The following ROBO2 variants were observed in gnomAD, a reference collection of about 807,000 sequenced individuals.
ROBO2 encodes the protein roundabout guidance receptor 2.
In ROBO2, 53 loss-of-function variants were observed where a neutral mutation model predicts 160.8. The ratio of observed to expected loss-of-function variants is 0.33; its 90% CI spans 0.26 to 0.41. The LOEUF is 0.41. Among genes scored for constraint, ROBO2 ranks in the 10% least tolerant of loss-of-function variants. The pLI is 1.00. For synonymous variants in ROBO2, 664 were observed against 611.7 expected, an observed-to-expected ratio of 1.09 and a Z score of -1.26; for missense variants, 1,577 against 1,722.4, an observed-to-expected ratio of 0.92 and a Z score of 1.49.
intron 2 of ROBO2, among the ~76,000 whole-genome samples, chr3:76,319,996 C>T (rs2072382315): frequency 6.6e-6 from 1 of 151,882 alleles, no homozygotes; most frequent in Admixed American, 6.6e-5. Flanking sequence ...TTGTTGTGAA[C>T]CCATTTCTTT....
At chr3:77,289,807 A>G (rs2060953355) in intron 2 of ROBO2, among the ~76,000 whole-genome samples, 1 of 152,128 alleles carries the variant, frequency 6.6e-6, no homozygotes, top group Non-Finnish European at 1.5e-5. Context: ...CACCAAAGAC[A>G]TAAAGTAAAA....
intron 2 of ROBO2, among the ~76,000 whole-genome samples, chr3:76,925,405 T>C (rs1417874012): frequency 1.3e-5 from 2 of 152,134 alleles, no homozygotes; most frequent in Non-Finnish European, 2.9e-5. Context: ...TTTCCAAAAT[T>C]TACATTTGAA....
At chr3:77,170,221 A>T (rs2079503704) in intron 2 of ROBO2, among the ~76,000 whole-genome samples, 1 of 152,142 alleles carries the variant, frequency 6.6e-6, no homozygotes, top group Non-Finnish European at 1.5e-5. Flanking sequence ...AATCATTACC[A>T]GTATGGCCTA....
chr3:77,421,074 A>G (rs896875163), intron 2 of ROBO2, among the ~76,000 whole-genome samples: 2 of 152,138 alleles, frequency 1.3e-5, no homozygotes, highest in Admixed American at 6.6e-5. Context: ...ATCACACTGG[A>G]AAAATCACAT....
At chr3:77,572,667 A>ACT (rs1300432715) in intron 13 of ROBO2, among the ~76,000 whole-genome samples, 2 of 149,386 alleles carry the variant, frequency 1.3e-5, no homozygotes, top group Non-Finnish European at 3.0e-5. Flanking sequence ...ACACACACAC[A>ACT]CTCACTTAAT....
intron 2 of ROBO2, among the ~76,000 whole-genome samples, chr3:76,779,600 T>C (rs1484571982): frequency 6.6e-6 from 1 of 151,038 alleles, no homozygotes; most frequent in Non-Finnish European, 1.5e-5. Context: ...AATCACATAA[T>C]ATTTGTCTTT....
chr3:76,329,378 C>T (rs987011159), intron 2 of ROBO2, among the ~76,000 whole-genome samples: 25 of 152,238 alleles, frequency 1.6e-4, no homozygotes, highest in African/African-American at 5.8e-4. Flanking sequence ...CCACCACACC[C>T]GGCTAATTTT....
chr3:75,968,103 C>T (rs190336104), intron 2 of ROBO2, among the ~76,000 whole-genome samples: 186 of 151,694 alleles, frequency 1.2e-3, no homozygotes, highest in Admixed American at 4.4e-3. Flanking sequence ...GTGACACATG[C>T]ACACATGATC....
At chr3:77,628,448 G>C (rs532033470) in intron 23 of ROBO2, among the ~76,000 whole-genome samples, 2 of 24,144 alleles carry the variant, frequency 8.3e-5, no homozygotes, top group African/African-American at 3.7e-4. Context: ...CTCTTTTTGT[G>C]GGGGGGGGGT....
At chr3:76,527,041 TAA>T (rs1577906038) in intron 2 of ROBO2, among the ~76,000 whole-genome samples, 1 of 152,096 alleles carries the variant, frequency 6.6e-6, no homozygotes, top group East Asian at 1.9e-4. Flanking sequence ...TTTTTTCTGA[TAA>T]ATTTCAGCTG....
chr3:76,612,224 T>C (rs138595665), intron 2 of ROBO2, among the ~76,000 whole-genome samples: 3 of 152,178 alleles, frequency 2.0e-5, no homozygotes, highest in Non-Finnish European at 4.4e-5. Flanking sequence ...AGAATGTGTA[T>C]TCTGTAGCTG....
chr3:77,219,468 GTA>G (rs34026358), intron 2 of ROBO2, among the ~76,000 whole-genome samples: 45,164 of 120,598 alleles, frequency 0.37, 8,967 homozygotes, highest in Middle Eastern at 0.49. Flanking sequence ...ATGTATCTGT[GTA>G]TATATATATA....
In ROBO2 at chr3:76,940,856, A is replaced by G. The variant is rs577401679; in HGVS notation, c.110-157158A>G. On this transcript the variant is annotated intron_variant, in intron 2 of 26. Transcript: ENST00000487694. ...AAAGAAATTCATCTGCAGGCTGATG[A>G]TATCAAAGTTTTCAGCTTTCATCTA... is the stretch of plus-strand genomic sequence containing the variant. 1.1e-4 allele frequency among the ~76,000 whole-genome samples: 16 copies of G among 152,346 alleles called. No individual in the cohort carries two copies. The South Asian group carries it at 3.3e-3, about 32-fold the overall frequency.
At chr3:76,983,690 A>G (rs1578039749) in intron 2 of ROBO2, among the ~76,000 whole-genome samples, 1 of 152,344 alleles carries the variant, frequency 6.6e-6, no homozygotes, top group East Asian at 1.9e-4. Flanking sequence ...CTATTATATG[A>G]TAGACAATAG....
intron 1 of ROBO2, among the ~76,000 whole-genome samples, chr3:77,042,321 A>G (rs2149623507): frequency 6.6e-6 from 1 of 152,356 alleles, no homozygotes; most frequent in East Asian, 1.9e-4. Context: ...CCGTAACAAA[A>G]TAGGTTTACC....
rs1491236295 is a variant in ROBO2 at position 77,428,337 on chromosome 3, A to ATTTTTTTTTTT, written c.389-49076_389-49075insTTTTTTTTTTT. Reference sequence around the variant, plus strand: ...AGGCATTCACAGCAAAACTTAGGTAATATTTTTTTTTTTTTTTTTTTTTTT... The same window carrying ATTTTTTTTTTT: ...AGGCATTCACAGCAAAACTTAGGTAATTTTTTTTTTTTATTTTTTTTTTTTTTTTTTTTTTT... On this transcript the variant is annotated intron_variant, in intron 2 of 25. Coordinates refer to ENST00000461745, the Ensembl canonical transcript of ROBO2. Among the ~76,000 whole-genome samples the ATTTTTTTTTTT allele has an allele frequency of 5.5e-5, 7 of 128,224 alleles. 1 individual carries two copies. The highest frequency in any genetic ancestry group is 1.2e-4 in the African/African-American group (4 of 32,796). The allele number at this position is 128,224 out of a possible 152,430, so 84.1% of individuals were successfully genotyped here.
At chr3:77,113,652 A>G (rs1375925968) in intron 2 of ROBO2, among the ~76,000 whole-genome samples, 2 of 152,208 alleles carry the variant, frequency 1.3e-5, no homozygotes, top group Non-Finnish European at 2.9e-5. Flanking sequence ...AGAGACAAGG[A>G]GCGGTCTAGT....
At chr3:76,896,204 A>G (rs138777769) in intron 2 of ROBO2, among the ~76,000 whole-genome samples, 267 of 152,334 alleles carry the variant, frequency 1.8e-3, no homozygotes, top group African/African-American at 6.0e-3. Context: ...TGAGAATGAG[A>G]GAAAACATTT....
intron 1 of ROBO2, among the ~76,000 whole-genome samples, chr3:77,094,483 C>T (rs768733650): frequency 2.0e-5 from 3 of 152,066 alleles, no homozygotes; most frequent in Non-Finnish European, 4.4e-5. Flanking sequence ...GTGAATAATA[C>T]TGCTATGAAT....
Sources: gnomAD v4.1 joint callset for allele counts (sites outside exome capture counted in the v4.1 genomes callset) on GRCh38, gnomAD v4.1.1 for gene constraint, MANE v1.5 for transcripts, NCBI Gene and HGNC (gene_info 2026-07-23, HGNC 2026-07-21) for gene names.